The following ENPP6 variants were observed in gnomAD, a reference collection of about 807,000 sequenced individuals.
ENPP6 encodes glycerophosphocholine cholinephosphodiesterase ENPP6.
Under a neutral mutation model 42.0 loss-of-function variants are expected in ENPP6, and 32 were observed. The observed-to-expected ratio is 0.76, with a 90% confidence interval of 0.58 to 1.02. The LOEUF is 1.02. ENPP6 is among the 50% of genes least tolerant of loss of function. The pLI is 0.00. For synonymous variants in ENPP6, 213 were observed against 216.0 expected (o/e 0.99, Z 0.12); for missense variants, 552 against 566.8 (o/e 0.97, Z 0.27).
At chr4:184,114,666 C>T (rs1027156898) in intron 5 of ENPP6, among the ~76,000 whole-genome samples, 2 of 151,966 alleles carry the variant, frequency 1.3e-5, no homozygotes, top group Admixed American at 6.6e-5. Flanking sequence ...TTGAACAGTA[C>T]CTTGGAAGGC....
chr4:184,202,608 A>G (rs188908468), intron 1 of ENPP6, among the ~76,000 whole-genome samples: 30 of 152,212 alleles, frequency 2.0e-4, no homozygotes, highest in African/African-American at 6.7e-4. Flanking sequence ...TGCCCAAACT[A>G]TCCATGATCA....
intron 3 of ENPP6, among the ~76,000 whole-genome samples, chr4:184,122,905 G>A (rs989413446): frequency 1.3e-5 from 2 of 152,176 alleles, no homozygotes; most frequent in Non-Finnish European, 2.9e-5. Context: ...TCTGCTACAC[G>A]TGCTGTGCTA....
intron 1 of ENPP6, chr4:184,216,903 T>C (rs1200690637): frequency 6.6e-6 from 1 of 152,172 alleles, no homozygotes; most frequent in African/African-American, 2.4e-5. Flanking sequence ...AGGTTTTTGT[T>C]TGTTTTGTGG....
chr4:184,191,718 G>A (rs1021859840), intron 1 of ENPP6, among the ~76,000 whole-genome samples: 7 of 152,224 alleles, frequency 4.6e-5, no homozygotes, highest in Non-Finnish European at 1.0e-4. Context: ...AAAGGAAGAA[G>A]TAACTGCCTT....
chr4:184,208,578 G>A (rs545779077), intron 1 of ENPP6, among the ~76,000 whole-genome samples: 1 of 151,766 alleles, frequency 6.6e-6, no homozygotes, highest in African/African-American at 2.4e-5. Flanking sequence ...GCACCTGGCT[G>A]GGAGGGTCCT....
chr4:184,143,117 C>T (rs765667018), intron 2 of ENPP6, among the ~76,000 whole-genome samples: 3 of 152,232 alleles, frequency 2.0e-5, no homozygotes, highest in African/African-American at 4.8e-5. Flanking sequence ...TCTCCTTCTC[C>T]GAGGAGCTGG....
At chr4:184,188,798 C>G (rs988358748) in intron 1 of ENPP6, among the ~76,000 whole-genome samples, 1 of 152,100 alleles carries the variant, frequency 6.6e-6, no homozygotes, top group Non-Finnish European at 1.5e-5. Context: ...GATTGTTAAT[C>G]CCCTGGGCCT....
intron 2 of ENPP6, among the ~76,000 whole-genome samples, chr4:184,130,566 C>CAAAAAAAAA (rs543323009): frequency 2.9e-5 from 1 of 34,248 alleles, no homozygotes; most frequent in Non-Finnish European, 7.6e-5. Flanking sequence ...TCAAACAAAA[C>CAAAAAAAAA]AAAACAAAAA....
intron 5 of ENPP6, among the ~76,000 whole-genome samples, chr4:184,115,466 G>A (rs564903825): frequency 1.3e-5 from 2 of 152,322 alleles, no homozygotes; most frequent in African/African-American, 2.4e-5. Context: ...GGTAAGCAGA[G>A]GTCTAGTCAT....
chr4:184,148,100 G>T (rs1229312613), intron 2 of ENPP6, among the ~76,000 whole-genome samples: 1 of 152,054 alleles, frequency 6.6e-6, no homozygotes, highest in East Asian at 1.9e-4. Flanking sequence ...TTTGATAACT[G>T]TACTTTTACA....
At chr4:184,167,607 A>G (rs1335651688) in intron 1 of ENPP6, among the ~76,000 whole-genome samples, 6 of 152,138 alleles carry the variant, frequency 3.9e-5, no homozygotes, top group Admixed American at 1.3e-4. Flanking sequence ...TTTTGGGGGG[A>G]AAGAAACAAG....
chr4:184,165,557 G>A (rs1295836165), intron 1 of ENPP6, among the ~76,000 whole-genome samples: 1 of 152,234 alleles, frequency 6.6e-6, no homozygotes, highest in Non-Finnish European at 1.5e-5. Flanking sequence ...ACCACATGGA[G>A]ACGCACAGAT....
intron 2 of ENPP6, among the ~76,000 whole-genome samples, chr4:184,129,326 A>G (rs970359592): frequency 6.9e-6 from 1 of 144,244 alleles, no homozygotes; most frequent in East Asian, 2.0e-4. Context: ...ACACACACAC[A>G]CCAGAAACAA....
At chr4:184,214,243 T>TA (rs924058998) in intron 1 of ENPP6, among the ~76,000 whole-genome samples, 112 of 142,790 alleles carry the variant, frequency 7.8e-4, no homozygotes, top group South Asian at 1.1e-3. Context: ...AGTATAATAA[T>TA]AAAAAAAAAA....
intron 1 of ENPP6, among the ~76,000 whole-genome samples, chr4:184,196,802 T>C (rs1188275702): frequency 6.6e-6 from 1 of 152,094 alleles, no homozygotes; most frequent in African/African-American, 2.4e-5. Flanking sequence ...GGTGAAGAGA[T>C]CATGGTTTAA....
intron 7 of ENPP6, among the ~76,000 whole-genome samples, chr4:184,096,202 A>G (rs1735899039): frequency 1.3e-5 from 2 of 152,224 alleles, no homozygotes; most frequent in Non-Finnish European, 2.9e-5. Flanking sequence ...TGTGGAAAGT[A>G]GAGTGAACGA....
At chr4:184,159,724 G>T (rs1191623489) in intron 1 of ENPP6, among the ~76,000 whole-genome samples, 3 of 152,120 alleles carry the variant, frequency 2.0e-5, no homozygotes, top group Non-Finnish European at 2.9e-5. Context: ...CTTTAGTGGT[G>T]ATTTCTGAGA....
intron 1 of ENPP6, among the ~76,000 whole-genome samples, chr4:184,180,849 T>C (rs1398364971): frequency 2.0e-5 from 3 of 152,108 alleles, no homozygotes; most frequent in Non-Finnish European, 2.9e-5. Flanking sequence ...TAGGTATTGA[T>C]AGAAAATACT....
chr4:184,168,288 C>T (rs1357826808), intron 1 of ENPP6, among the ~76,000 whole-genome samples: 1 of 151,956 alleles, frequency 6.6e-6, no homozygotes, highest in East Asian at 1.9e-4. Context: ...ATGTCTGGCG[C>T]GGAAAAGGCC....
Sources: gnomAD v4.1 joint callset for allele counts (sites outside exome capture counted in the v4.1 genomes callset) on GRCh38, gnomAD v4.1.1 for gene constraint, MANE v1.5 for transcripts, NCBI Gene and HGNC (gene_info 2026-07-23, HGNC 2026-07-21) for gene names.